The following ATXN7 variants were observed in gnomAD, a reference collection of about 807,000 sequenced individuals.
The protein encoded by ATXN7 is ataxin-7.
ATXN7 carries 12 observed loss-of-function variants against 70.5 expected under a neutral mutation model. The observed-to-expected ratio is 0.17, with a 90% CI of 0.11 to 0.28. The LOEUF is 0.28. Among genes scored for constraint, ATXN7 ranks in the 10% least tolerant of loss-of-function variants. The probability of loss-of-function intolerance (pLI) is 1.00; values close to 1 mark genes in which losing one functional copy is unlikely to be tolerated. For missense variants in ATXN7, 1,256 were observed against 1,131.7 expected (o/e 1.11, Z -1.58); for synonymous variants, 498 against 448.7 (o/e 1.11, Z -1.39).
intron 1 of ATXN7, among the ~76,000 whole-genome samples, chr3:63,866,379 T>C (rs2107188577): frequency 6.6e-6 from 1 of 152,206 alleles, no homozygotes; most frequent in Admixed American, 6.5e-5. Context: ...GCCTACCAAC[T>C]AGTTGGGACT....
At position 63,999,501 on chromosome 3, in the gene ATXN7, A is replaced by C; in HGVS notation, c.*34A>C. The C allele has an allele frequency of 6.2e-7, 1 of 1,613,200 alleles. No homozygotes were observed. The highest frequency in any genetic ancestry group is 8.5e-7 in the Non-Finnish European group (1 of 1,179,654). On this transcript the variant is annotated 3_prime_UTR_variant, in exon 13 of 13. Transcript: ENST00000674280. ...AATAGCACGGGGAGGAATAATGCGG[A>C]CACTTTTGAGGACAAGTTACACCTC...
At chr3:63,904,521 T>A (rs1331300750) in intron 2 of ATXN7, 1 of 152,334 alleles carries the variant, frequency 6.6e-6, no homozygotes, top group South Asian at 2.1e-4. Context: ...CTTGAACTCC[T>A]GACCTCGTGA....
intron 4 of ATXN7, among the ~76,000 whole-genome samples, chr3:63,938,452 C>G (rs556160618): frequency 6.6e-4 from 101 of 152,320 alleles, no homozygotes; most frequent in South Asian, 2.9e-3. Flanking sequence ...GCAGTTAACA[C>G]TCCCCTTTCC....
rs766529284 is a variant in ATXN7, at chr3:63,990,167, C to T, written c.1362-9C>T. 3.1e-6 allele frequency: 5 copies of T among 1,612,322 alleles called. No homozygotes were observed. The African/African-American group carries it at 6.7e-5, about 22-fold the overall frequency. ...GATCTGATCCGTGCTGCACTTTCTA[C>T]TCACCAAGGCCTCCAGGCTGCCCTG... is the stretch of plus-strand genomic sequence containing the variant. On this transcript the variant is annotated splice_polypyrimidine_tract_variant and intron_variant, in intron 9 of 12. Transcript: ENST00000674280.
In ATXN7 at chr3:63,990,231, G is replaced by T; in HGVS notation, c.1417G>T (p.Val473Phe). The T allele has an allele frequency of 6.2e-7, 1 of 1,613,858 alleles. No individual in the cohort carries two copies. Among genetic ancestry groups the T allele is most frequent in the African/African-American group, 1.3e-5 (1 of 74,992 alleles). Residue 473 changes from valine to phenylalanine, a missense_variant, in exon 10 of 13, where the codon GTC (valine) becomes TTC (phenylalanine). Physicochemically the swap from Val to Phe is conservative, Grantham distance 50 (BLOSUM62 -1). Coordinates refer to ENST00000674280, the MANE Select transcript of ATXN7 (RefSeq NM_001377405.1). ...GGSAPIDPPP[V>F]HESPHPPLPA... ...GAGTGCCCCCATTGACCCTCCTCCA[G>T]TCCATGAATCTCCACACCCTCCCCT...
chr3:63,906,890 G>A (rs1216118067), intron 2 of ATXN7, among the ~76,000 whole-genome samples: 1 of 152,078 alleles, frequency 6.6e-6, no homozygotes, highest in African/African-American at 2.4e-5. Flanking sequence ...TGAGGCAAGG[G>A]CAAACTGTAG....
intron 4 of ATXN7, among the ~76,000 whole-genome samples, chr3:63,935,547 C>T (rs1020011213): frequency 6.6e-6 from 1 of 152,210 alleles, no homozygotes; most frequent in East Asian, 1.9e-4. Flanking sequence ...ATTGGAAGCT[C>T]CTTATGGGCA....
Position 64,000,218 on chromosome 3 carries a change from A to AT in ATXN7, c.*762dup, listed in dbSNP as rs112759850. On this transcript the variant is annotated 3_prime_UTR_variant, in exon 13 of 13. Transcript: ENST00000674280. ...CATGATACAAAAGCAATTCTGTGTG[A>AT]TTTTTTTTTTTAAGAAGAAAGAAAA... The AT allele has an allele frequency of 2.0e-3, 248 of 126,934 alleles. No homozygotes were observed. Among genetic ancestry groups the AT allele is most frequent in the African/African-American group, 4.3e-3 (154 of 35,570 alleles). The allele number at this position is 126,934 out of a possible 1,614,324, so 7.9% of individuals were successfully genotyped here.
chr3:63,879,225 G>A (rs1294622297), intron 1 of ATXN7, among the ~76,000 whole-genome samples: 3 of 152,038 alleles, frequency 2.0e-5, no homozygotes, highest in Non-Finnish European at 4.4e-5. Context: ...ACTCTTATCA[G>A]AGAAATTAAA....
At chr3:63,999,350 C>T (rs563449665) in intron 12 of ATXN7, 100 bp from the exon 13 acceptor site, 50 of 973,398 alleles carry the variant, frequency 5.1e-5, no homozygotes, top group South Asian at 4.8e-4. Context: ...ACTTTAGTAG[C>T]GTGCAGCCTT....
intron 2 of ATXN7, among the ~76,000 whole-genome samples, chr3:63,900,115 T>C (rs1316971213): frequency 6.6e-6 from 1 of 152,090 alleles, no homozygotes; most frequent in Non-Finnish European, 1.5e-5. Context: ...AACAAAATTA[T>C]TCTCCTACTT....
chr3:63,906,372 C>A (rs1703839916), intron 2 of ATXN7, among the ~76,000 whole-genome samples: 1 of 152,198 alleles, frequency 6.6e-6, no homozygotes, highest in Non-Finnish European at 1.5e-5. Context: ...ACTAACACAC[C>A]TGCATTGTTC....
At chr3:63,957,018 A>G (rs1320962229) in intron 5 of ATXN7, among the ~76,000 whole-genome samples, 1 of 152,174 alleles carries the variant, frequency 6.6e-6, no homozygotes, top group Non-Finnish European at 1.5e-5. Flanking sequence ...GTGTAGTACT[A>G]CTTACATGCA....
chr3:63,863,432 C>A (rs912201208), upstream of ATXN7: 3 of 1,108,268 alleles, frequency 2.7e-6, no homozygotes, highest in Middle Eastern at 3.9e-4. Context: ...GTCCCACCCG[C>A]CCTTGCACCG....
At chr3:63,931,730 C>T (rs1704972161) in intron 4 of ATXN7, among the ~76,000 whole-genome samples, 1 of 152,118 alleles carries the variant, frequency 6.6e-6, no homozygotes, top group African/African-American at 2.4e-5. Context: ...GCCCCACTGC[C>T]CCTGAAACTT....
intron 5 of ATXN7, among the ~76,000 whole-genome samples, chr3:63,979,448 A>G (rs1264353527): frequency 1.3e-5 from 2 of 152,222 alleles, no homozygotes; most frequent in East Asian, 3.8e-4. Flanking sequence ...GAAAAAAAAG[A>G]AGGTACAACT....
intron 9 of ATXN7, 117 bp downstream of exon 9, chr3:63,988,441 GT>G (rs1159695141): frequency 2.3e-6 from 3 of 1,309,680 alleles, no homozygotes; most frequent in African/African-American, 1.5e-5. Context: ...TGTGGAGATA[GT>G]TTTTTAAGGA....
intron 4 of ATXN7, among the ~76,000 whole-genome samples, chr3:63,945,155 C>T (rs925020136): frequency 2.6e-5 from 4 of 152,192 alleles, no homozygotes; most frequent in Admixed American, 2.6e-4. Context: ...TAAGCGCTCT[C>T]CATGGATCAT....
At chr3:63,992,422 G>GAA (rs1413501625) in intron 11 of ATXN7, among the ~76,000 whole-genome samples, 2 of 152,144 alleles carry the variant, frequency 1.3e-5, no homozygotes, top group Admixed American at 6.5e-5. Context: ...TAAGATACAT[G>GAA]AAATCTCAAC....
Sources: allele counts gnomAD v4.1 joint callset (sites outside exome capture counted in the v4.1 genomes callset), GRCh38; gene constraint gnomAD v4.1.1; transcripts MANE v1.5; gene names NCBI Gene and HGNC (gene_info 2026-07-23, HGNC 2026-07-21).